The following UBE2H variants were observed in gnomAD, a reference collection of about 807,000 sequenced individuals.
UBE2H encodes ubiquitin conjugating enzyme E2 H, also known as ubiquitin-conjugating enzyme E2 H.
In UBE2H, 3 loss-of-function variants were observed where a neutral mutation model predicts 29.0. The observed-to-expected ratio is 0.10, with a 90% CI of 0.05 to 0.27. The LOEUF (loss-of-function observed/expected upper bound fraction) is 0.27. UBE2H is among the 10% of genes least tolerant of loss of function. UBE2H has a pLI of 1.00. For synonymous variants in UBE2H, 69 were observed against 82.9 expected (o/e 0.83, Z 0.91); for missense variants, 68 against 228.2 (o/e 0.30, Z 4.52).
At position 129,872,439 on chromosome 7, in the gene UBE2H, T is replaced by C. The variant is rs1010110386; in HGVS notation, c.205+7129A>G. On this transcript the variant is annotated intron_variant, in intron 3 of 6. Coordinates refer to ENST00000355621, the MANE Select transcript of UBE2H (RefSeq NM_003344.4). ...CCACTCCAAAAATAGTGTGAGGTCA[T>C]TTCTGGCCAGAGTGAAATAAAAAAT... Among the ~76,000 whole-genome samples the C allele has an allele frequency of 3.9e-5, 6 of 152,164 alleles. No individual in the cohort carries two copies. The South Asian group carries it at 1.2e-3, about 32-fold the overall frequency.
intron 5 of UBE2H, among the ~76,000 whole-genome samples, chr7:129,853,178 C>T (rs947697572): frequency 2.0e-5 from 3 of 152,140 alleles, no homozygotes; most frequent in Non-Finnish European, 2.9e-5. Context: ...GCAGTGAAGG[C>T]ACCTGGGCCC....
intron 1 of UBE2H, among the ~76,000 whole-genome samples, chr7:129,896,408 CTGAT>C (rs1273127360): frequency 6.6e-6 from 1 of 151,780 alleles, no homozygotes; most frequent in Non-Finnish European, 1.5e-5. Context: ...TATTTATTTA[CTGAT>C]TGATTGAAAC....
rs1807584178 is a variant in UBE2H at position 129,938,787 on chromosome 7, TTTTG to T, written c.53+13712_53+13715del. On this transcript the variant is annotated intron_variant, in intron 1 of 6. Coordinates refer to ENST00000355621, the MANE Select transcript of UBE2H (RefSeq NM_003344.4). ...TGTACTTGTAGGCTTAGTTTGATGT[TTTTG>T]TTTTTTTGTTTTTTTTGTTTTTTTT... 2.0e-5 allele frequency among the ~76,000 whole-genome samples: 3 copies of T among 151,682 alleles called. 1 individual carries two copies. The highest frequency in any genetic ancestry group is 4.2e-4 in the South Asian group (2 of 4,812).
chr7:129,910,882 A>AAAAAAC (rs1188737579), intron 1 of UBE2H, among the ~76,000 whole-genome samples: 8 of 152,066 alleles, frequency 5.3e-5, no homozygotes, highest in African/African-American at 1.9e-4. Context: ...ATTCCATCTC[A>AAAAAAC]AAAAACAAAA....
intron 3 of UBE2H, among the ~76,000 whole-genome samples, chr7:129,873,457 A>C: frequency 7.3e-6 from 1 of 136,480 alleles, no homozygotes; most frequent in Non-Finnish European, 1.5e-5. Flanking sequence ...ATTTCTTGAG[A>C]CCGGTTTCAC....
Position 129,936,804 on chromosome 7 carries a change from GAAAAAAA to G in UBE2H, c.53+15692_53+15698del, listed in dbSNP as rs1171897255. Among the ~76,000 whole-genome samples the G allele has an allele frequency of 5.3e-4, 41 of 78,018 alleles. 1 individual carries two copies. Among genetic ancestry groups the G allele is most frequent in the Middle Eastern group, 0.022 (2 of 92 alleles). 51.2% of individuals were successfully genotyped at this position (78,018 alleles called of 152,430 possible). On this transcript the variant is annotated intron_variant, in intron 1 of 6. Transcript: ENST00000355621. The stretch of plus-strand genomic sequence containing the variant: ...CATGGTGAAACCCCGTCTCTACTAG[GAAAAAAA>G]AAAAAAAAAAAAAAAAGTTAGCCAG...
At chr7:129,900,761 T>C (rs1806696692) in intron 1 of UBE2H, among the ~76,000 whole-genome samples, 1 of 150,420 alleles carries the variant, frequency 6.6e-6, no homozygotes, top group Non-Finnish European at 1.5e-5. Flanking sequence ...CTTTTTTTTT[T>C]TTTTTTTGAG....
intron 1 of UBE2H, among the ~76,000 whole-genome samples, chr7:129,913,252 CA>C (rs59869623): frequency 0.33 from 24,973 of 75,588 alleles, 1,720 homozygotes; most frequent in African/African-American, 0.38. Context: ...AACTCCGTCT[CA>C]AAAAAAAAAA....
chr7:129,893,650 T>C (rs986525856), intron 1 of UBE2H, among the ~76,000 whole-genome samples: 28 of 152,222 alleles, frequency 1.8e-4, no homozygotes, highest in African/African-American at 6.8e-4. Context: ...TTACGCACTT[T>C]AAAATATTTA....
At chr7:129,928,461 G>A (rs1807318171) in intron 1 of UBE2H, among the ~76,000 whole-genome samples, 1 of 152,014 alleles carries the variant, frequency 6.6e-6, no homozygotes, top group South Asian at 2.1e-4. Context: ...AAATTAGCCG[G>A]GTGTGGTGGC....
intron 1 of UBE2H, among the ~76,000 whole-genome samples, chr7:129,912,298 G>C (rs1206234519): frequency 6.6e-6 from 1 of 152,162 alleles, no homozygotes; most frequent in Non-Finnish European, 1.5e-5. Context: ...AAATGCATGG[G>C]ACCAGAAATG....
intron 1 of UBE2H, among the ~76,000 whole-genome samples, chr7:129,898,826 T>TTTC (rs397823902): frequency 3.3e-5 from 5 of 151,330 alleles, no homozygotes. Context: ...TTTTTTTTTT[T>TTTC]CTTGTCTTTT....
intron 1 of UBE2H, among the ~76,000 whole-genome samples, chr7:129,930,798 C>T (rs923514574): frequency 6.7e-6 from 1 of 150,202 alleles, no homozygotes; most frequent in African/African-American, 2.4e-5. Context: ...GTCCCAGCTA[C>T]TCCGGAGGCT....
At chr7:129,933,576 T>C (rs1191949957) in intron 1 of UBE2H, among the ~76,000 whole-genome samples, 1 of 152,150 alleles carries the variant, frequency 6.6e-6, no homozygotes, top group African/African-American at 2.4e-5. Context: ...TAGGACCATT[T>C]AAGAAAACAA....
chr7:129,928,405 C>T (rs1026554244), intron 1 of UBE2H, among the ~76,000 whole-genome samples: 3 of 152,174 alleles, frequency 2.0e-5, no homozygotes, highest in African/African-American at 7.2e-5. Context: ...GAGTTCAAGA[C>T]CAGCCTCGCC....
chr7:129,847,684 G>A (rs772415841), intron 5 of UBE2H, among the ~76,000 whole-genome samples: 1 of 152,212 alleles, frequency 6.6e-6, no homozygotes, highest in Non-Finnish European at 1.5e-5. Flanking sequence ...AGAAAAATAA[G>A]AAGTCTATGT....
At chr7:129,883,893 T>C (rs117981484) in intron 1 of UBE2H, among the ~76,000 whole-genome samples, 9,516 of 152,004 alleles carry the variant, frequency 0.063, 371 homozygotes, top group Non-Finnish European at 0.092. Flanking sequence ...ACACATAATG[T>C]ATGGGTTTTA....
At chr7:129,942,775 T>G (rs530729580) in intron 1 of UBE2H, among the ~76,000 whole-genome samples, 1 of 152,064 alleles carries the variant, frequency 6.6e-6, no homozygotes, top group South Asian at 2.1e-4. Context: ...CACAAAGATA[T>G]AGAGCCTTAC....
chr7:129,922,240 A>G (rs569674142), intron 1 of UBE2H, among the ~76,000 whole-genome samples: 7 of 150,668 alleles, frequency 4.6e-5, no homozygotes, highest in Non-Finnish European at 1.5e-5. Context: ...CACCCACCTC[A>G]GCCTCCCAGA....
Sources: gnomAD v4.1 joint callset for allele counts (sites outside exome capture counted in the v4.1 genomes callset) on GRCh38, gnomAD v4.1.1 for gene constraint, MANE v1.5 for transcripts, NCBI Gene and HGNC (gene_info 2026-07-23, HGNC 2026-07-21) for gene names.